The following SDK2 variants were observed in gnomAD, a reference collection of about 807,000 sequenced individuals.
The protein encoded by SDK2 is sidekick cell adhesion molecule 2, also known as protein sidekick-2.
In SDK2, 105 loss-of-function variants were observed where a neutral mutation model predicts 253.9. That is an observed-to-expected ratio of 0.41 (90% CI 0.35 to 0.49). The LOEUF is 0.49. Among genes scored for constraint, SDK2 ranks in the 20% least tolerant of loss-of-function variants. The pLI is 0.06. For missense variants in SDK2, 2,608 were observed against 3,003.0 expected, an observed-to-expected ratio of 0.87 and a Z score of 3.07; for synonymous variants, 1,249 against 1,234.9, an observed-to-expected ratio of 1.01 and a Z score of -0.24.
At position 73,534,491 on chromosome 17, in the gene SDK2, G is replaced by A. The variant is rs756133785; in HGVS notation, c.65-26894C>T. 6.6e-4 allele frequency among the ~76,000 whole-genome samples: 101 copies of A among 152,256 alleles called. 1 individual carries two copies. The Middle Eastern group carries it at 0.02, about 31-fold the overall frequency. ...GGGGAAGGTTCAGGGACAGTGTGGGGGCTGGGAGAAAAGACAGACAGGAGG... is the reference window on the plus strand; with the variant it reads ...GGGGAAGGTTCAGGGACAGTGTGGGAGCTGGGAGAAAAGACAGACAGGAGG... On this transcript the variant is annotated intron_variant, in intron 1 of 44. Coordinates refer to ENST00000392650, the MANE Select transcript of SDK2 (RefSeq NM_001144952.2). The surrounding 1 kb of genome is among the most constrained non-coding windows in gnomAD (Gnocchi z 4.9).
intron 1 of SDK2, among the ~76,000 whole-genome samples, chr17:73,551,025 C>T (rs769369732): frequency 2.0e-5 from 3 of 152,098 alleles, no homozygotes; most frequent in East Asian, 1.9e-4. Flanking sequence ...GCCAGCTGAC[C>T]GGGGAGCCTG....
At chr17:73,483,681 ATT>A (rs56170809) in intron 2 of SDK2, among the ~76,000 whole-genome samples, 10,323 of 55,182 alleles carry the variant, frequency 0.19, 1,915 homozygotes, top group African/African-American at 0.3. Context: ...ATATATATAT[ATT>A]TATATATATA....
Position 73,368,358 on chromosome 17 carries a change from C to T in SDK2, c.5167+49G>A, listed in dbSNP as rs768632941. ...GGATGCCAGGTAGGTCCTCTTGCAA[C>T]CCCCCGTGGCCGACCTACCCCTCCC... On this transcript the variant is annotated intron_variant, in intron 37 of 44. Transcript: ENST00000392650. The T allele has an allele frequency of 1.4e-5, 19 of 1,369,696 alleles. No individual in the cohort carries two copies. In the East Asian group the frequency reaches 1.7e-4, roughly 12 times the overall value. The allele number at this position is 1,369,696 out of a possible 1,614,324, so 84.8% of individuals were successfully genotyped here.
At chr17:73,588,617 G>A (rs964095007) in intron 1 of SDK2, among the ~76,000 whole-genome samples, 40 of 134,666 alleles carry the variant, frequency 3.0e-4, no homozygotes, top group African/African-American at 1.1e-3. Flanking sequence ...ATTTTTGGTC[G>A]TCACAACTGG....
chr17:73,457,262 CCTTCCTTCCTTCCTTCCTTCCT>C (rs2063533121), intron 3 of SDK2, among the ~76,000 whole-genome samples: 3 of 69,786 alleles, frequency 4.3e-5, no homozygotes, highest in African/African-American at 2.0e-4. Context: ...TTCCTTCCTT[CCTTCCTTCCTTCCTTCCTTCCT>C]TCCCCCCTCC....
intron 18 of SDK2, among the ~76,000 whole-genome samples, chr17:73,410,142 C>T (rs1324344135): frequency 2.6e-5 from 4 of 152,140 alleles, no homozygotes; most frequent in Admixed American, 2.6e-4. Context: ...GCGTGAGCCA[C>T]GGTGCCCAGC....
intron 28 of SDK2, among the ~76,000 whole-genome samples, chr17:73,391,206 C>A (rs542378588): frequency 6.6e-6 from 1 of 152,148 alleles, no homozygotes; most frequent in Non-Finnish European, 1.5e-5. Flanking sequence ...CATTTGGGGA[C>A]GCAAAGCCAA....
chr17:73,399,311 G>C (rs2063000782), intron 21 of SDK2, 22 bp from the exon 22 acceptor site: 1 of 1,613,284 alleles, frequency 6.2e-7, no homozygotes, highest in Non-Finnish European at 8.5e-7. Flanking sequence ...GAACAGGGTG[G>C]GGAAGGAGAT....
intron 44 of SDK2, among the ~76,000 whole-genome samples, chr17:73,346,160 C>T (rs1303459625): frequency 2.7e-5 from 4 of 150,878 alleles, no homozygotes; most frequent in South Asian, 2.1e-4. Flanking sequence ...GAGCTGAGAT[C>T]GCGCACCATC....
In SDK2 at chr17:73,435,620, C is replaced by T. The variant is rs1325713408; in HGVS notation, c.1025G>A (p.Trp342Ter). 6.4e-7 allele frequency: 1 copy of T among 1,571,920 alleles called. No homozygotes were observed. ...CTCCACCACGGCTGCGTCCTTGTAC[C>T]AGGTGATGGAGGGCGGCGGCACACC... ...AKGVPPPSIT[W>*]YKDAAVVEVE... The change falls in exon 9 of 45, where the codon TGG (tryptophan) becomes TAG (stop). Residue 342 changes from tryptophan (W) to a stop codon, truncating the protein, a stop_gained. Transcript: ENST00000392650. LOFTEE classifies it high-confidence loss of function. The surrounding 1 kb of genome is among the most constrained non-coding windows in gnomAD (Gnocchi z 5.7).
chr17:73,364,016 G>A (rs371519664), intron 38 of SDK2, among the ~76,000 whole-genome samples: 49 of 152,006 alleles, frequency 3.2e-4, no homozygotes, highest in African/African-American at 1.1e-3. Flanking sequence ...TCACAACGAT[G>A]TTCCCAGGTC....
At chr17:73,343,889 A>T (rs923504958) in intron 44 of SDK2, among the ~76,000 whole-genome samples, 1 of 152,162 alleles carries the variant, frequency 6.6e-6, no homozygotes, top group Middle Eastern at 3.2e-3. Flanking sequence ...CCTAGATGAC[A>T]GAGAAGTCAC....
chr17:73,437,240 T>C (rs1358028038), intron 8 of SDK2, among the ~76,000 whole-genome samples: 2 of 152,016 alleles, frequency 1.3e-5, no homozygotes, highest in African/African-American at 2.4e-5. Context: ...TTGGCGGAAA[T>C]GAATCAGAAG....
In SDK2 at chr17:73,395,092, C is replaced by T; in HGVS notation, c.3592+63G>A. 1 of 1,350,884 alleles carries T rather than the reference C, an allele frequency of 7.4e-7. No homozygotes were observed. Among genetic ancestry groups the T allele is most frequent in the African/African-American group, 1.4e-5 (1 of 69,630 alleles). The allele number at this position is 1,350,884 out of a possible 1,614,324, so 83.7% of individuals were successfully genotyped here. ...CAGCCTGGCACGCGCTTGGATGACC[C>T]TGAGGGCATAGAGACCAAGGAGGGG... On this transcript the variant is annotated intron_variant, in intron 25 of 44. Coordinates refer to ENST00000392650, the MANE Select transcript of SDK2 (RefSeq NM_001144952.2). This position sits in a 1 kb window ranked among gnomAD's most constrained non-coding sequence, Gnocchi z 4.3.
At chr17:73,545,193 CT>C (rs1295375996) in intron 1 of SDK2, among the ~76,000 whole-genome samples, 1 of 151,428 alleles carries the variant, frequency 6.6e-6, no homozygotes, top group Non-Finnish European at 1.5e-5. Context: ...TGGGGTTCCC[CT>C]CCCCTGGAAA....
In SDK2 at chr17:73,456,045, T is replaced by C; in HGVS notation, c.340A>G (p.Ser114Gly). Residue 114 changes from serine (S) to glycine (G), a missense_variant, in exon 4 of 45, where the codon AGC (serine) becomes GGC (glycine). Ser to Gly is a moderately conservative substitution (Grantham distance 56). This residue lies in a region of SDK2 where 1,505 missense variants were observed against 1,859.1 expected (regional missense o/e 0.81). Transcript: ENST00000392650. ...QTEVQVAYMG[S>G]FEEGEKHQSV... ...TGGTGCTTCTCACCTTCCTCAAAGC[T>C]CCCCATGTCTGCAGCCGGGACAACG... The C allele has an allele frequency of 6.7e-7, 1 of 1,491,164 alleles. No individual in the cohort carries two copies. Among genetic ancestry groups the C allele is most frequent in the Non-Finnish European group, 9.0e-7 (1 of 1,111,994 alleles). 92.4% of individuals were successfully genotyped at this position (1,491,164 alleles called of 1,614,324 possible).
chr17:73,376,222 C>T (rs1022266343), intron 36 of SDK2, among the ~76,000 whole-genome samples: 3 of 151,946 alleles, frequency 2.0e-5, no homozygotes, highest in East Asian at 1.9e-4. Flanking sequence ...CAAACCTCCT[C>T]ATGGACCTGG....
At chr17:73,377,907 C>T (rs1025469269) in intron 36 of SDK2, among the ~76,000 whole-genome samples, 3 of 152,058 alleles carry the variant, frequency 2.0e-5, no homozygotes, top group Non-Finnish European at 2.9e-5. Flanking sequence ...CCACCGCACC[C>T]GGCCTGCCTG....
At chr17:73,566,380 A>G (rs1286845488) in intron 1 of SDK2, among the ~76,000 whole-genome samples, 1 of 150,120 alleles carries the variant, frequency 6.7e-6, no homozygotes, top group Non-Finnish European at 1.5e-5. Context: ...GTATTCCTTT[A>G]CAGCAATGCA....
Sources: gnomAD v4.1 joint callset for allele counts (sites outside exome capture counted in the v4.1 genomes callset) on GRCh38, gnomAD v4.1.1 for gene constraint, gnomAD v4.1.1 regional missense constraint, Gnocchi (gnomAD v3.1) non-coding constraint, MANE v1.5 for transcripts, NCBI Gene and HGNC (gene_info 2026-07-23, HGNC 2026-07-21) for gene names.